The following CSMD1 variants were observed in gnomAD, a reference collection of about 807,000 sequenced individuals.
The protein encoded by CSMD1 is CUB and sushi domain-containing protein 1.
A neutral mutation model predicts 417.5 loss-of-function variants in CSMD1; 213 were observed. That is an observed-to-expected ratio of 0.51 (90% CI 0.46 to 0.57). CSMD1 has a LOEUF of 0.57. Ranked by LOEUF, CSMD1 falls within the 20% of genes least tolerant of loss-of-function variation. CSMD1 has a pLI of 0.00. For synonymous variants in CSMD1, 2,862 were observed against 1,736.8 expected (o/e 1.65, Z -16.11); for missense variants, 6,923 against 4,529.7 (o/e 1.53, Z -15.17).
At chr8:4,849,008 G>A (rs1249060400) in intron 1 of CSMD1, among the ~76,000 whole-genome samples, 9 of 151,458 alleles carry the variant, frequency 5.9e-5, no homozygotes, top group East Asian at 3.9e-4. Flanking sequence ...AGAATAAAGC[G>A]TTGTCATCCT....
chr8:3,937,778 G>C (rs894063450), intron 5 of CSMD1, among the ~76,000 whole-genome samples: 4 of 152,086 alleles, frequency 2.6e-5, no homozygotes, highest in Non-Finnish European at 4.4e-5. Context: ...TTTCTGTCAT[G>C]AGAGCCTCAC....
intron 1 of CSMD1, among the ~76,000 whole-genome samples, chr8:4,912,440 G>A (rs541691364): frequency 6.6e-6 from 1 of 151,948 alleles, no homozygotes; most frequent in African/African-American, 2.4e-5. Flanking sequence ...GGCTGGACAA[G>A]GATTGAAGGT....
chr8:4,032,147 T>G, intron 3 of CSMD1, 48 bp from the exon 4 acceptor site: 1 of 1,435,040 alleles, frequency 7.0e-7, no homozygotes, highest in East Asian at 2.3e-5. Flanking sequence ...AAATTTTCCA[T>G]GGAGAGCCAC....
chr8:3,724,422 A>G (rs1033850895), intron 6 of CSMD1, among the ~76,000 whole-genome samples: 1 of 152,194 alleles, frequency 6.6e-6, no homozygotes, highest in African/African-American at 2.4e-5. Context: ...TTTTAAATGA[A>G]GTGATAAACA....
chr8:4,728,268 G>T lies in CSMD1; in HGVS notation c.86-90710C>A, dbSNP rs556973730. Among the ~76,000 whole-genome samples the T allele has an allele frequency of 1.3e-3, 189 of 150,592 alleles. 1 individual carries two copies. Among genetic ancestry groups the T allele is most frequent in the Non-Finnish European group, 2.4e-3 (164 of 67,690 alleles). Reference sequence around the variant, plus strand: ...GATATGAAGTAAAATGCATGTATATGATTTGGGTTGAAATAAAATTTTAAT... The same window carrying T: ...GATATGAAGTAAAATGCATGTATATTATTTGGGTTGAAATAAAATTTTAAT... On this transcript the variant is annotated intron_variant, in intron 1 of 69. Transcript: ENST00000635120.
chr8:3,767,379 C>G (rs7816761), intron 5 of CSMD1, among the ~76,000 whole-genome samples: 7,760 of 152,254 alleles, frequency 0.051, 688 homozygotes, highest in African/African-American at 0.18. Context: ...TGTGGGTGAC[C>G]TCAGGCCTTT....
Position 3,124,828 on chromosome 8 carries a change from CAAT to C in CSMD1, c.6242-6244_6242-6242del. 2.6e-5 allele frequency among the ~76,000 whole-genome samples: 4 copies of C among 152,272 alleles called. No individual in the cohort carries two copies. In the South Asian group the frequency reaches 8.3e-4, roughly 32 times the overall value. ...CTGCCAGTCAACATCATAATGATGA[CAAT>C]GATGATTCAAAACCCATGGCTCATT... On this transcript the variant is annotated intron_variant, in intron 41 of 69. Coordinates refer to ENST00000635120, the MANE Select transcript of CSMD1 (RefSeq NM_033225.6).
At chr8:4,524,236 G>T (rs922136087) in intron 2 of CSMD1, among the ~76,000 whole-genome samples, 1 of 149,028 alleles carries the variant, frequency 6.7e-6, no homozygotes, top group African/African-American at 2.5e-5. Context: ...AGTGTATAAA[G>T]AATGAAGACA....
At chr8:3,626,335 C>T (rs1165428329) in intron 7 of CSMD1, among the ~76,000 whole-genome samples, 3 of 152,132 alleles carry the variant, frequency 2.0e-5, no homozygotes, top group Non-Finnish European at 4.4e-5. Flanking sequence ...TCAAAAATAT[C>T]TTACAGGATG....
intron 1 of CSMD1, among the ~76,000 whole-genome samples, chr8:4,646,869 G>C (rs960458370): frequency 6.6e-6 from 1 of 152,124 alleles, no homozygotes; most frequent in African/African-American, 2.4e-5. Flanking sequence ...TACAGATATG[G>C]AGACCTGAAT....
intron 2 of CSMD1, among the ~76,000 whole-genome samples, chr8:4,601,768 A>C (rs541528809): frequency 2.8e-4 from 43 of 152,112 alleles, no homozygotes; most frequent in Non-Finnish European, 4.7e-4. Context: ...TTGCCCCATT[A>C]ACTTTGACCA....
intron 3 of CSMD1, among the ~76,000 whole-genome samples, chr8:4,246,445 C>A (rs375334714): frequency 6.6e-6 from 1 of 152,064 alleles, no homozygotes. Context: ...CCATTTTCTT[C>A]GTATGGTACC....
intron 5 of CSMD1, among the ~76,000 whole-genome samples, chr8:3,851,887 G>T (rs982645917): frequency 6.6e-6 from 1 of 152,136 alleles, no homozygotes; most frequent in Admixed American, 6.5e-5. Flanking sequence ...GGGCTCCATG[G>T]ATCAGAGATT....
chr8:3,003,617 G>A (rs1388183645), intron 52 of CSMD1, among the ~76,000 whole-genome samples: 1 of 152,176 alleles, frequency 6.6e-6, no homozygotes, highest in African/African-American at 2.4e-5. Context: ...GGGTTGCAAT[G>A]TTCTTGGGGC....
intron 3 of CSMD1, among the ~76,000 whole-genome samples, chr8:4,144,813 A>T (rs1804011936): frequency 6.6e-6 from 1 of 151,006 alleles, no homozygotes; most frequent in South Asian, 2.1e-4. Flanking sequence ...CATCACCAAA[A>T]AGCAACATTC....
intron 52 of CSMD1, among the ~76,000 whole-genome samples, chr8:3,014,152 C>G (rs1563237993): frequency 6.6e-6 from 1 of 152,010 alleles, no homozygotes; most frequent in Non-Finnish European, 1.5e-5. Context: ...ATATTATTTT[C>G]ACTCTTTCAA....
intron 3 of CSMD1, among the ~76,000 whole-genome samples, chr8:4,364,502 C>G (rs1801957208): frequency 6.6e-6 from 1 of 152,148 alleles, no homozygotes; most frequent in Non-Finnish European, 1.5e-5. Flanking sequence ...CTAGAAGACT[C>G]TACATTGTCA....
At chr8:3,918,438 T>C in intron 5 of CSMD1, among the ~76,000 whole-genome samples, 1 of 152,218 alleles carries the variant, frequency 6.6e-6, no homozygotes, top group South Asian at 2.1e-4. Context: ...GTTTGTCTGA[T>C]AATTAATTAT....
chr8:4,544,773 C>G (rs1316037001), intron 2 of CSMD1, among the ~76,000 whole-genome samples: 1 of 152,176 alleles, frequency 6.6e-6, no homozygotes, highest in Non-Finnish European at 1.5e-5. Flanking sequence ...AAGGGCAGCA[C>G]TGCTGTTCAC....
Sources: allele counts gnomAD v4.1 joint callset (sites outside exome capture counted in the v4.1 genomes callset), GRCh38; gene constraint gnomAD v4.1.1; transcripts MANE v1.5; gene names NCBI Gene and HGNC (gene_info 2026-07-23, HGNC 2026-07-21).